Variants in TAMALIN observed in about 807,000 individuals in gnomAD.
TAMALIN encodes the protein trafficking regulator and scaffold protein tamalin, also known as protein TAMALIN.
In TAMALIN, 9 loss-of-function variants were observed where a neutral mutation model predicts 38.5. The ratio of observed to expected loss-of-function variants is 0.23; its 90% CI spans 0.14 to 0.41. The LOEUF (loss-of-function observed/expected upper bound fraction) is 0.41. Ranked by LOEUF, TAMALIN falls within the 10% of genes least tolerant of loss-of-function variation. The pLI, the probability that TAMALIN is intolerant of heterozygous loss-of-function variation, is 1.00. For missense variants in TAMALIN, 548 were observed against 554.1 expected (o/e 0.99, Z 0.11); for synonymous variants, 306 against 256.5 (o/e 1.19, Z -1.85).
intron 4 of TAMALIN, among the ~76,000 whole-genome samples, chr12:52,012,031 G>C (rs908773628): frequency 2.6e-5 from 4 of 152,182 alleles, no homozygotes; most frequent in African/African-American, 9.7e-5. Flanking sequence ...CTGGGTGGCC[G>C]CATCAGGTGA....
rs368420985 is a variant in TAMALIN at position 52,010,939 on chromosome 12, G to A, written c.351+4G>A. On this transcript the variant is annotated splice_donor_region_variant and intron_variant, in intron 3 of 7. Coordinates refer to ENST00000293662, the MANE Select transcript of TAMALIN (RefSeq NM_181711.4). ...GACCTTCGGCTTTGAGATCCAGGTG[G>A]GAGAAGCTGCACACAGGGGTCAGGG... The A allele has an allele frequency of 6.2e-7, 1 of 1,614,104 alleles. No homozygotes were observed. The highest frequency in any genetic ancestry group is 1.3e-5 in the African/African-American group (1 of 74,942).
At position 52,015,324 on chromosome 12, in the gene TAMALIN, G is replaced by C; in HGVS notation, c.*125G>C. 8.4e-7 allele frequency: 1 copy of C among 1,186,320 alleles called. No homozygotes were observed. Among genetic ancestry groups the C allele is most frequent in the Non-Finnish European group, 1.1e-6 (1 of 897,120 alleles). 73.5% of individuals were successfully genotyped at this position (1,186,320 alleles called of 1,614,324 possible). A position where few individuals can be genotyped will look rare whatever the true frequency, so the allele number is the denominator to read the frequency against. ...GCGGGAGAGGGTCCTTCCTAGCCTCGGCCCGCCGGGTCGGTTCCTGGCTGG... is the reference window on the plus strand; with the variant it reads ...GCGGGAGAGGGTCCTTCCTAGCCTCCGCCCGCCGGGTCGGTTCCTGGCTGG... On this transcript the variant is annotated 3_prime_UTR_variant, in exon 8 of 8. Coordinates refer to ENST00000293662, the MANE Select transcript of TAMALIN (RefSeq NM_181711.4).
At chr12:52,014,590 C>A in intron 7 of TAMALIN, 104 bp from the exon 8 acceptor site, 1 of 856,510 alleles carries the variant, frequency 1.2e-6, no homozygotes, top group Non-Finnish European at 1.7e-6. Flanking sequence ...CAGAGATGGT[C>A]AGCAGGACGG....
chr12:52,014,568 T>C (rs1857290725), intron 7 of TAMALIN, 126 bp from the exon 8 acceptor site: 2 of 728,298 alleles, frequency 2.7e-6, no homozygotes, highest in Non-Finnish European at 2.2e-6. Flanking sequence ...GGTTTGTGCC[T>C]GGCCAGGGCC....
rs765640650 is a variant in TAMALIN at position 52,015,215 on chromosome 12, G to A, written c.*16G>A. 4.4e-6 allele frequency: 7 copies of A among 1,577,586 alleles called. No homozygotes were observed. The African/African-American group carries it at 6.8e-5, about 15-fold the overall frequency. ...CCAGCTGTAGGGGCGGGGGCGGGCAGGGAGGTATTTATTTATTTATTCGCA... is the reference window on the plus strand; with the variant it reads ...CCAGCTGTAGGGGCGGGGGCGGGCAAGGAGGTATTTATTTATTTATTCGCA... On this transcript the variant is annotated 3_prime_UTR_variant, in exon 8 of 8. Coordinates refer to ENST00000293662, the MANE Select transcript of TAMALIN (RefSeq NM_181711.4).
In TAMALIN at chr12:52,011,345, A is replaced by G. The variant is rs1937640400; in HGVS notation, c.454+204A>G. On this transcript the variant is annotated intron_variant, in intron 4 of 7. Transcript: ENST00000293662. This position sits in a 1 kb window ranked among gnomAD's most constrained non-coding sequence, Gnocchi z 5.3. ...TGTGATCTTGCACAGCCCCATCTAC[A>G]AAATGAGGGTAATAATGCATCCAAA... The G allele has an allele frequency of 1.3e-6, 1 of 779,120 alleles. No individual in the cohort carries two copies. Among genetic ancestry groups the G allele is most frequent in the Non-Finnish European group, 2.1e-6 (1 of 481,070 alleles). 48.3% of individuals were successfully genotyped at this position (779,120 alleles called of 1,614,324 possible).
rs1477314984 is a variant in TAMALIN, at chr12:52,014,722, C to T, written c.711C>T (p.Tyr237=). The T allele has an allele frequency of 6.6e-7, 1 of 1,517,848 alleles. No homozygotes were observed. Among genetic ancestry groups the T allele is most frequent in the Non-Finnish European group, 8.7e-7 (1 of 1,146,438 alleles). 94.0% of individuals were successfully genotyped at this position (1,517,848 alleles called of 1,614,324 possible). Reference sequence around the variant, plus strand: ...TGGTGGTGAAGGACCCCAGCATCTACGACACGCTGGAGTCGGTGCGCTCCT... The same window carrying T: ...TGGTGGTGAAGGACCCCAGCATCTATGACACGCTGGAGTCGGTGCGCTCCT... ...HGLVVKDPSI[Y]DTLESVRSCL... Residue 237 remains tyrosine (Y), a synonymous_variant, in exon 8 of 8, where the codon TAC becomes TAT. Transcript: ENST00000293662.
In TAMALIN at chr12:52,013,840, C is replaced by T. The variant is rs374494295; in HGVS notation, c.549-37C>T. On this transcript the variant is annotated intron_variant, in intron 5 of 7. Coordinates refer to ENST00000293662, the MANE Select transcript of TAMALIN (RefSeq NM_181711.4). ...GCTCAGCCTCTTGGTATTTCCTCAG[C>T]CTGTGGCTCACTCAGGCTTTGATTC... The T allele has an allele frequency of 2.0e-5, 33 of 1,612,874 alleles. No individual in the cohort carries two copies. The African/African-American group carries it at 4.4e-4, about 22-fold the overall frequency.
rs1197092963 is a variant in TAMALIN at position 52,007,018 on chromosome 12, C to G, written c.-2C>G. The G allele has an allele frequency of 1.4e-6, 2 of 1,420,962 alleles. No homozygotes were observed. The highest frequency in any genetic ancestry group is 6.1e-5 in the East Asian group (2 of 32,762). 88.0% of individuals were successfully genotyped at this position (1,420,962 alleles called of 1,614,324 possible). ...CTCTGAGGGGCGTCCGGCGCCGGAG[C>G]CATGACCCTCCGCCGACTCAGGAAG... On this transcript the variant is annotated 5_prime_UTR_variant, in exon 1 of 8. Transcript: ENST00000293662. The surrounding 1 kb of genome is among the most constrained non-coding windows in gnomAD (Gnocchi z 6.7).
rs1042727758 is a variant in TAMALIN, at chr12:52,015,272, C to T, written c.*73C>T. On this transcript the variant is annotated 3_prime_UTR_variant, in exon 8 of 8. Coordinates refer to ENST00000293662, the MANE Select transcript of TAMALIN (RefSeq NM_181711.4). ...AGCGCTAAAAGAGGGGGAGGCCGAGCCAAGAGGACCCCAGGAGCCCAGAGC... is the reference window on the plus strand; with the variant it reads ...AGCGCTAAAAGAGGGGGAGGCCGAGTCAAGAGGACCCCAGGAGCCCAGAGC... 11 of 1,458,088 alleles carry T rather than the reference C, an allele frequency of 7.5e-6. No individual in the cohort carries two copies. The highest frequency in any genetic ancestry group is 9.9e-6 in the Non-Finnish European group (11 of 1,106,420). The allele number at this position is 1,458,088 out of a possible 1,614,324, so 90.3% of individuals were successfully genotyped here.
chr12:52,010,737 T>C (rs1592272157), intron 2 of TAMALIN, 144 bp from the exon 3 acceptor site: 2 of 1,009,446 alleles, frequency 2.0e-6, no homozygotes, highest in East Asian at 2.4e-5. Flanking sequence ...GACATTCCAA[T>C]AATCTGTGAT....
intron 2 of TAMALIN, among the ~76,000 whole-genome samples, chr12:52,010,023 T>C (rs554257289): frequency 7.2e-5 from 11 of 152,212 alleles, no homozygotes; most frequent in South Asian, 6.2e-4. Flanking sequence ...CCCTAGAACA[T>C]TGGGGTAGAC....
intron 2 of TAMALIN, among the ~76,000 whole-genome samples, chr12:52,010,285 C>T (rs928986056): frequency 1.3e-5 from 2 of 152,160 alleles, no homozygotes; most frequent in African/African-American, 2.4e-5. Flanking sequence ...TGGGAGTGGG[C>T]AGAGGAAACT....
chr12:52,014,659 C>CT (rs1479825881), intron 7 of TAMALIN, 35 bp from the exon 8 acceptor site: 2 of 1,434,752 alleles, frequency 1.4e-6, no homozygotes. Context: ...CGGTCCAGGC[C>CT]TGACCCGCCC....
chr12:52,009,295 G>C (rs1230090008), intron 2 of TAMALIN, 56 bp downstream of exon 2: 8 of 1,545,148 alleles, frequency 5.2e-6, no homozygotes, highest in Admixed American at 1.7e-5. Context: ...GTGCTGGGTT[G>C]GGGGGTGCCA....
Position 52,013,791 on chromosome 12 carries a change from G to A in TAMALIN, c.548+11G>A. 1 of 1,613,684 alleles carries A rather than the reference G, an allele frequency of 6.2e-7. No individual in the cohort carries two copies. ...AGGCAATGTTCTCAGGTATGTCTGGGAGCCGAGGTGCCTGAATTCCTGAGC... is the reference window on the plus strand; with the variant it reads ...AGGCAATGTTCTCAGGTATGTCTGGAAGCCGAGGTGCCTGAATTCCTGAGC... On this transcript the variant is annotated intron_variant, in intron 5 of 7. Transcript: ENST00000293662.
chr12:52,011,979 G>A lies in TAMALIN; in HGVS notation c.454+838G>A, dbSNP rs1208584523. ...ATACTGGGTAATTATAAAGAAAAGAGGTTTATTTAGCTCATGGTTCTGGAG... is the reference window on the plus strand; with the variant it reads ...ATACTGGGTAATTATAAAGAAAAGAAGTTTATTTAGCTCATGGTTCTGGAG... On this transcript the variant is annotated intron_variant, in intron 4 of 7. Coordinates refer to ENST00000293662, the MANE Select transcript of TAMALIN (RefSeq NM_181711.4). The surrounding 1 kb of genome is among the most constrained non-coding windows in gnomAD (Gnocchi z 5.3). Among the ~76,000 whole-genome samples the A allele has an allele frequency of 6.6e-6, 1 of 151,926 alleles. No individual in the cohort carries two copies. The highest frequency in any genetic ancestry group is 1.5e-5 in the Non-Finnish European group (1 of 68,000).
intron 1 of TAMALIN, 123 bp from the exon 2 acceptor site, chr12:52,009,067 G>A (rs1411178573): frequency 1.1e-5 from 10 of 906,056 alleles, no homozygotes; most frequent in Non-Finnish European, 1.8e-5. Flanking sequence ...ACCAAAACAG[G>A]TGTGGATGTG....
Position 52,007,828 on chromosome 12 carries a change from C to G in TAMALIN, c.246+563C>G. 1 of 985,454 alleles carries G rather than the reference C, an allele frequency of 1.0e-6. No homozygotes were observed. The highest frequency in any genetic ancestry group is 1.2e-6 in the Non-Finnish European group (1 of 829,932). The allele number at this position is 985,454 out of a possible 1,614,324, so 61.0% of individuals were successfully genotyped here. On this transcript the variant is annotated intron_variant, in intron 1 of 7. Coordinates refer to ENST00000293662, the MANE Select transcript of TAMALIN (RefSeq NM_181711.4). This position sits in a 1 kb window ranked among gnomAD's most constrained non-coding sequence, Gnocchi z 6.7. ...ACGTCTGACGTACGGGGCGCGAGGG[C>G]CACTGCTCCCTGGACTTCTGTCGGA...
Sources: gnomAD v4.1 joint callset for allele counts (sites outside exome capture counted in the v4.1 genomes callset) on GRCh38, gnomAD v4.1.1 for gene constraint, Gnocchi (gnomAD v3.1) non-coding constraint, MANE v1.5 for transcripts, NCBI Gene and HGNC (gene_info 2026-07-23, HGNC 2026-07-21) for gene names.